FHIT: variants seen among roughly 807,000 people sequenced by gnomAD.
FHIT encodes bis(5'-adenosyl)-triphosphatase.
Under a neutral mutation model 17.9 loss-of-function variants are expected in FHIT, and 19 were observed. The ratio of observed to expected loss-of-function variants is 1.06; its 90% confidence interval spans 0.74 to 1.56. The LOEUF (loss-of-function observed/expected upper bound fraction) is 1.56, where lower values mean the gene tolerates loss of function less well. Ranked by LOEUF, FHIT falls within the 40% of genes most tolerant of loss-of-function variation. The pLI, the probability that FHIT is intolerant of heterozygous loss-of-function variation, is 0.00. For missense variants in FHIT, 248 were observed against 189.2 expected, an observed-to-expected ratio of 1.31 and a Z score of -1.82; for synonymous variants, 81 against 69.7, an observed-to-expected ratio of 1.16 and a Z score of -0.81.
At chr3:60,550,606 C>A (rs575381529) in intron 4 of FHIT, among the ~76,000 whole-genome samples, 1 of 64,504 alleles carries the variant, frequency 1.6e-5, no homozygotes, top group Non-Finnish European at 2.8e-5. Context: ...CTTCTCTGTT[C>A]TGTCATTTTT....
intron 5 of FHIT, among the ~76,000 whole-genome samples, chr3:60,022,418 G>T (rs1001515059): frequency 6.6e-6 from 1 of 152,244 alleles, no homozygotes; most frequent in African/African-American, 2.4e-5. Flanking sequence ...AGGTCAAAGA[G>T]TTGTGAGCGA....
intron 8 of FHIT, among the ~76,000 whole-genome samples, chr3:59,805,307 A>G (rs373222289): frequency 6.4e-4 from 97 of 152,312 alleles, no homozygotes; most frequent in African/African-American, 2.2e-3. Context: ...TGCATTTTAA[A>G]GATAAAAGTG....
chr3:60,254,798 G>T (rs190630053), intron 5 of FHIT, among the ~76,000 whole-genome samples: 225 of 152,252 alleles, frequency 1.5e-3, no homozygotes, highest in African/African-American at 5.0e-3. Context: ...AGTGGAAATA[G>T]GAATCTAAAT....
At chr3:60,432,190 G>A (rs973185282) in intron 5 of FHIT, among the ~76,000 whole-genome samples, 2 of 152,044 alleles carry the variant, frequency 1.3e-5, no homozygotes, top group Non-Finnish European at 2.9e-5. Context: ...TGCCCAGGCT[G>A]GTCTTGAACT....
At chr3:60,116,341 C>T (rs549021884) in intron 5 of FHIT, among the ~76,000 whole-genome samples, 2 of 152,200 alleles carry the variant, frequency 1.3e-5, no homozygotes, top group East Asian at 3.9e-4. Flanking sequence ...AAGCTGGAGC[C>T]CCATCTCATG....
intron 7 of FHIT, among the ~76,000 whole-genome samples, chr3:59,999,569 C>T (rs1316345632): frequency 6.6e-6 from 1 of 152,064 alleles, no homozygotes; most frequent in Non-Finnish European, 1.5e-5. Flanking sequence ...TGGAACGTGT[C>T]TTCTGTTAGA....
chr3:60,645,109 T>C (rs1014011838), intron 4 of FHIT, among the ~76,000 whole-genome samples: 7 of 152,126 alleles, frequency 4.6e-5, no homozygotes, highest in African/African-American at 1.4e-4. Context: ...GGCATCTGCC[T>C]TGGACTTCAT....
At chr3:59,975,261 G>A (rs1313371008) in intron 7 of FHIT, among the ~76,000 whole-genome samples, 9 of 152,042 alleles carry the variant, frequency 5.9e-5, no homozygotes, top group African/African-American at 2.2e-4. Flanking sequence ...CCAAAAGCTT[G>A]GGCCTCAGAG....
chr3:60,945,528 G>C (rs1708600079), intron 3 of FHIT, among the ~76,000 whole-genome samples: 1 of 152,148 alleles, frequency 6.6e-6, no homozygotes, highest in Non-Finnish European at 1.5e-5. Context: ...GAGTAGCTGG[G>C]ATTACAGGCA....
chr3:59,978,352 T>C (rs1001292346), intron 7 of FHIT, among the ~76,000 whole-genome samples: 8 of 152,112 alleles, frequency 5.3e-5, no homozygotes, highest in African/African-American at 1.9e-4. Context: ...AAATTTAAAG[T>C]ACGTTATTTC....
chr3:59,753,745 C>T (rs2106740795), intron 8 of FHIT, among the ~76,000 whole-genome samples: 1 of 152,282 alleles, frequency 6.6e-6, no homozygotes. Context: ...AAAACTGACG[C>T]TACTTAACCC....
At chr3:60,824,123 C>A (rs1280897911) in intron 3 of FHIT, among the ~76,000 whole-genome samples, 3 of 152,128 alleles carry the variant, frequency 2.0e-5, no homozygotes, top group Non-Finnish European at 4.4e-5. Context: ...CAAGATCTGA[C>A]TTACATTTTA....
intron 2 of FHIT, among the ~76,000 whole-genome samples, chr3:61,199,980 G>A (rs2106670120): frequency 6.6e-6 from 1 of 152,118 alleles, no homozygotes; most frequent in Non-Finnish European, 1.5e-5. Flanking sequence ...CTAGCAAAGA[G>A]GAAACAATTA....
At chr3:60,428,862 C>A (rs1287894613) in intron 5 of FHIT, among the ~76,000 whole-genome samples, 1 of 152,070 alleles carries the variant, frequency 6.6e-6, no homozygotes, top group Non-Finnish European at 1.5e-5. Context: ...TCATCACATG[C>A]AACCCAAAGA....
At chr3:60,688,557 G>C (rs1553698971) in intron 4 of FHIT, among the ~76,000 whole-genome samples, 1 of 151,262 alleles carries the variant, frequency 6.6e-6, no homozygotes, top group African/African-American at 2.4e-5. Flanking sequence ...TCAGCCTCTT[G>C]AGTAGCTGGG....
intron 5 of FHIT, among the ~76,000 whole-genome samples, chr3:60,437,197 G>T (rs1018063812): frequency 2.0e-5 from 3 of 152,052 alleles, no homozygotes; most frequent in Non-Finnish European, 4.4e-5. Context: ...TCAATAGTTG[G>T]CATAAATAAA....
At chr3:60,821,164 T>C (rs1340139338) in intron 4 of FHIT, among the ~76,000 whole-genome samples, 1 of 152,082 alleles carries the variant, frequency 6.6e-6, no homozygotes, top group African/African-American at 2.4e-5. Flanking sequence ...TTGGTAGAGA[T>C]GAGGTTTCAC....
intron 4 of FHIT, among the ~76,000 whole-genome samples, chr3:60,611,348 C>T (rs1316835484): frequency 6.6e-6 from 1 of 152,142 alleles, no homozygotes; most frequent in Admixed American, 6.5e-5. Context: ...CCAAGTATCA[C>T]AGAAATATAT....
At chr3:60,654,914 T>C (rs782580866) in intron 4 of FHIT, among the ~76,000 whole-genome samples, 17 of 151,180 alleles carry the variant, frequency 1.1e-4, no homozygotes, top group Non-Finnish European at 2.4e-4. Context: ...AGAAAAGCAG[T>C]GAAGAAAAGG....
Sources: gnomAD v4.1 joint callset for allele counts (sites outside exome capture counted in the v4.1 genomes callset) on GRCh38, gnomAD v4.1.1 for gene constraint, MANE v1.5 for transcripts, NCBI Gene and HGNC (gene_info 2026-07-23, HGNC 2026-07-21) for gene names.